The following EXOC2 variants were observed in gnomAD, a reference collection of about 807,000 sequenced individuals.
EXOC2 encodes exocyst complex component 2.
Under a neutral mutation model 131.8 loss-of-function variants are expected in EXOC2, and 70 were observed. The observed-to-expected ratio is 0.53, with a 90% CI of 0.44 to 0.65. The LOEUF is 0.65. Ranked by LOEUF, EXOC2 falls within the 30% of genes least tolerant of loss-of-function variation. EXOC2 has a pLI of 0.00. For missense variants in EXOC2, 923 were observed against 1,108.6 expected (o/e 0.83, Z 2.38); for synonymous variants, 411 against 398.4 (o/e 1.03, Z -0.38).
intron 11 of EXOC2, among the ~76,000 whole-genome samples, chr6:588,157 C>A (rs1759321817): frequency 6.6e-6 from 1 of 152,118 alleles, no homozygotes; most frequent in South Asian, 2.1e-4. Context: ...AAAAACCACC[C>A]CAATTTTCCA....
chr6:597,987 A>C (rs1177865828), intron 10 of EXOC2, 34 bp downstream of exon 10: 1 of 1,499,882 alleles, frequency 6.7e-7, no homozygotes, highest in Non-Finnish European at 9.3e-7. Flanking sequence ...AAACAGATAC[A>C]TGTGATTCAA....
At chr6:638,340 T>C (rs914039581) in intron 1 of EXOC2, among the ~76,000 whole-genome samples, 2 of 152,236 alleles carry the variant, frequency 1.3e-5, no homozygotes, top group African/African-American at 4.8e-5. Context: ...TTTTTTAATA[T>C]GCTCAAATCA....
At chr6:621,165 A>G (rs1178201553) in intron 4 of EXOC2, among the ~76,000 whole-genome samples, 2 of 152,200 alleles carry the variant, frequency 1.3e-5, no homozygotes, top group East Asian at 1.9e-4. Flanking sequence ...ACACCTGGAC[A>G]TGGAGAACAC....
At chr6:660,755 G>A (rs547411782) in intron 1 of EXOC2, among the ~76,000 whole-genome samples, 25 of 151,814 alleles carry the variant, frequency 1.6e-4, no homozygotes, top group African/African-American at 2.2e-4. Context: ...CAACACCCCC[G>A]AAAAAATCAC....
At chr6:519,100 C>A (rs558962130) in intron 23 of EXOC2, among the ~76,000 whole-genome samples, 1 of 144,294 alleles carries the variant, frequency 6.9e-6, no homozygotes, top group African/African-American at 2.6e-5. Context: ...CACTCACCGT[C>A]CACACTCGGA....
chr6:569,228 C>CT (rs142555451), intron 13 of EXOC2, among the ~76,000 whole-genome samples: 2,529 of 152,238 alleles, frequency 0.017, 74 homozygotes, highest in African/African-American at 0.058. Flanking sequence ...TAAGATATAT[C>CT]TAAAGGTGAG....
chr6:499,838 A>T, intron 23 of EXOC2, 138 bp from the exon 24 acceptor site: 1 of 651,362 alleles, frequency 1.5e-6, no homozygotes, highest in Non-Finnish European at 2.7e-6. Flanking sequence ...TCCTTTTGAG[A>T]ATCAAATGGT....
intron 26 of EXOC2, among the ~76,000 whole-genome samples, chr6:490,200 C>T (rs373807454): frequency 6.6e-6 from 1 of 152,312 alleles, no homozygotes; most frequent in African/African-American, 2.4e-5. Flanking sequence ...TCATTTAACA[C>T]CCTCAAAAGC....
intron 1 of EXOC2, among the ~76,000 whole-genome samples, chr6:682,074 C>G (rs1435950738): frequency 6.6e-6 from 1 of 152,210 alleles, no homozygotes; most frequent in African/African-American, 2.4e-5. Context: ...GGGCTGGGAA[C>G]AGGAACCTGC....
Position 492,562 on chromosome 6 carries a change from A to G in EXOC2, c.2560-1376T>C, listed in dbSNP as rs139302093. On this transcript the variant is annotated intron_variant, in intron 25 of 27. Transcript: ENST00000230449. ...TGTGGCATATTTAAAGTGGAATATT[A>G]TATGTAAAAAGAAGCGAGGCACTGG... Among the ~76,000 whole-genome samples the G allele has an allele frequency of 2.0e-5, 3 of 152,332 alleles. No homozygotes were observed. In the East Asian group the frequency reaches 5.8e-4, roughly 29 times the overall value.
chr6:673,702 TA>T (rs1763981113), intron 1 of EXOC2, among the ~76,000 whole-genome samples: 1 of 152,202 alleles, frequency 6.6e-6, no homozygotes, highest in Non-Finnish European at 1.5e-5. Flanking sequence ...AAAAAATATA[TA>T]ACTTTTTACT....
chr6:586,435 C>T (rs774766620), intron 11 of EXOC2, among the ~76,000 whole-genome samples: 3 of 152,204 alleles, frequency 2.0e-5, no homozygotes, highest in Non-Finnish European at 4.4e-5. Flanking sequence ...ATTCTCAGAG[C>T]ATTTATTTAC....
Position 497,366 on chromosome 6 carries a change from C to T in EXOC2, c.2559+1G>A. 1 of 1,612,356 alleles carries T rather than the reference C, an allele frequency of 6.2e-7. No homozygotes were observed. The highest frequency in any genetic ancestry group is 8.5e-7 in the Non-Finnish European group (1 of 1,179,438). On this transcript the variant is annotated splice_donor_variant, in intron 25 of 27. Transcript: ENST00000230449. LOFTEE classifies it high-confidence loss of function. ...AATATGAAATTGAATGATTTTGTTACCTGTAAAGCTCCATTTTTGCTGAAG... is the reference window on the plus strand; with the variant it reads ...AATATGAAATTGAATGATTTTGTTATCTGTAAAGCTCCATTTTTGCTGAAG...
At chr6:565,906 A>G (rs1452534686) in intron 13 of EXOC2, among the ~76,000 whole-genome samples, 3 of 152,192 alleles carry the variant, frequency 2.0e-5, no homozygotes, top group Non-Finnish European at 2.9e-5. Context: ...GAACATATCA[A>G]TGTAAGTAAA....
At chr6:576,611 G>T in intron 12 of EXOC2, 146 bp downstream of exon 12, 1 of 781,588 alleles carries the variant, frequency 1.3e-6, no homozygotes, top group Non-Finnish European at 1.9e-6. Context: ...ATTACTGGTA[G>T]TTACTGTAAC....
chr6:634,870 T>C (rs1365520844), intron 2 of EXOC2, among the ~76,000 whole-genome samples: 1 of 152,178 alleles, frequency 6.6e-6, no homozygotes, highest in Admixed American at 6.5e-5. Flanking sequence ...CTTAAGAGAT[T>C]GAAAGCCTCT....
At chr6:633,917 G>T (rs1459613363) in intron 2 of EXOC2, among the ~76,000 whole-genome samples, 1 of 152,110 alleles carries the variant, frequency 6.6e-6, no homozygotes, top group Non-Finnish European at 1.5e-5. Context: ...ACACCTCAGG[G>T]GGAATACCAG....
chr6:491,328 T>C, intron 25 of EXOC2, 142 bp from the exon 26 acceptor site: 2 of 729,502 alleles, frequency 2.7e-6, no homozygotes, highest in South Asian at 1.8e-5. Flanking sequence ...CAGTCATGAG[T>C]AGAGTTTCTA....
chr6:517,627 A>C (rs1300840348), intron 23 of EXOC2, among the ~76,000 whole-genome samples: 1 of 152,234 alleles, frequency 6.6e-6, no homozygotes, highest in Non-Finnish European at 1.5e-5. Context: ...AATGGTGCTA[A>C]AACCATTAGA....
Sources: allele counts gnomAD v4.1 joint callset (sites outside exome capture counted in the v4.1 genomes callset), GRCh38; gene constraint gnomAD v4.1.1; transcripts MANE v1.5; gene names NCBI Gene and HGNC (gene_info 2026-07-23, HGNC 2026-07-21).